The following KIF13A variants were observed in gnomAD, a reference collection of about 807,000 sequenced individuals.
KIF13A encodes the protein kinesin-like protein KIF13A.
KIF13A carries 79 observed loss-of-function variants against 212.2 expected under a neutral mutation model. The ratio of observed to expected loss-of-function variants is 0.37; its 90% CI spans 0.31 to 0.45. The LOEUF is 0.45. Ranked by LOEUF, KIF13A falls within the 20% of genes least tolerant of loss-of-function variation. KIF13A has a pLI of 1.00. For synonymous variants in KIF13A, 789 were observed against 808.6 expected (o/e 0.98, Z 0.41); for missense variants, 1,901 against 2,209.0 (o/e 0.86, Z 2.79).
Position 17,918,321 on chromosome 6 carries a change from G to A in KIF13A, c.147-20141C>T, listed in dbSNP as rs371696860. On this transcript the variant is annotated intron_variant, in intron 2 of 38. Coordinates refer to ENST00000259711, the MANE Select transcript of KIF13A (RefSeq NM_022113.6). This position sits in a 1 kb window ranked among gnomAD's most constrained non-coding sequence, Gnocchi z 4.8. ...ATGCATAAAAAATAGTCTCAGAACT[G>A]TAGACCAAAAGAATGTAAATGTCCC... is the stretch of plus-strand genomic sequence containing the variant. 6.6e-6 allele frequency among the ~76,000 whole-genome samples: 1 copy of A among 152,162 alleles called. No individual in the cohort carries two copies. The highest frequency in any genetic ancestry group is 2.4e-5 in the African/African-American group (1 of 41,436).
At position 17,833,957 on chromosome 6, in the gene KIF13A, C is replaced by A; in HGVS notation, c.1266+4G>T. On this transcript the variant is annotated splice_donor_region_variant and intron_variant, in intron 12 of 38. Transcript: ENST00000259711. ...AATATTTTAGGGCTAAATTATCAAGCTACCTGTGCTATCTCTTCTGTTTTT... is the reference window on the plus strand; with the variant it reads ...AATATTTTAGGGCTAAATTATCAAGATACCTGTGCTATCTCTTCTGTTTTT... 6.8e-7 allele frequency: 1 copy of A among 1,477,102 alleles called. No homozygotes were observed. The highest frequency in any genetic ancestry group is 9.2e-7 in the Non-Finnish European group (1 of 1,087,266). The allele number at this position is 1,477,102 out of a possible 1,614,324, so 91.5% of individuals were successfully genotyped here.
downstream of KIF13A, chr6:17,760,200 T>C (rs1332256361): frequency 2.0e-5 from 3 of 152,194 alleles, no homozygotes; most frequent in African/African-American, 7.2e-5. Flanking sequence ...AAAAATGTTG[T>C]CTTATGTAAG....
chr6:17,909,550 G>GA (rs1292281559), intron 2 of KIF13A, among the ~76,000 whole-genome samples: 48 of 143,822 alleles, frequency 3.3e-4, no homozygotes, highest in Admixed American at 1.3e-3. Flanking sequence ...AAAAAAAAAG[G>GA]AAAAAAAAAA....
Position 17,785,550 on chromosome 6 carries a change from G to A in KIF13A, c.3453C>T (p.Ala1151=), listed in dbSNP as rs532912412. 1.5e-5 allele frequency: 24 copies of A among 1,596,458 alleles called. No homozygotes were observed. In the East Asian group the frequency reaches 5.0e-4, roughly 33 times the overall value. Residue 1151 remains alanine (A), a synonymous_variant, in exon 28 of 39, where the codon GCC becomes GCT. Coordinates refer to ENST00000259711, the MANE Select transcript of KIF13A (RefSeq NM_022113.6). The surrounding 1 kb of genome is among the most constrained non-coding windows in gnomAD (Gnocchi z 5.8). ...TEERNAVLVP[A]PGSGIPGAPA... is the part of the protein sequence containing the mutation. ...GTGCCCCAGGAATCCCACTGCCTGG[G>A]GCTGGCACCAGCACAGCATTCCTTT...
rs1764990988 is a variant in KIF13A at position 17,826,752 on chromosome 6, C to T, written c.1533-628G>A. The stretch of plus-strand genomic sequence containing the variant: ...GATGAGACAACTGGGGAAATCTGAA[C>T]ACTGACTGGCTATATGAAGATTAGT... On this transcript the variant is annotated intron_variant, in intron 14 of 38. Coordinates refer to ENST00000259711, the MANE Select transcript of KIF13A (RefSeq NM_022113.6). This position sits in a 1 kb window ranked among gnomAD's most constrained non-coding sequence, Gnocchi z 4.7. Among the ~76,000 whole-genome samples the T allele has an allele frequency of 6.6e-6, 1 of 152,120 alleles. No homozygotes were observed. Among genetic ancestry groups the T allele is most frequent in the Non-Finnish European group, 1.5e-5 (1 of 68,026 alleles).
chr6:17,785,672 A>C lies in KIF13A; in HGVS notation c.3362-31T>G, dbSNP rs774167044. 18 of 1,587,128 alleles carry C rather than the reference A, an allele frequency of 1.1e-5. No homozygotes were observed. Among genetic ancestry groups the C allele is most frequent in the Non-Finnish European group, 4.3e-6 (5 of 1,166,438 alleles). Reference sequence around the variant, plus strand: ...GAAAAAAATGAGGAGATCAATGCCAACAAGAGAGAAAGTATGACTTCTCAG... The same window carrying C: ...GAAAAAAATGAGGAGATCAATGCCACCAAGAGAGAAAGTATGACTTCTCAG... On this transcript the variant is annotated intron_variant, in intron 27 of 38. Coordinates refer to ENST00000259711, the MANE Select transcript of KIF13A (RefSeq NM_022113.6). The surrounding 1 kb of genome is among the most constrained non-coding windows in gnomAD (Gnocchi z 5.8).
At chr6:17,762,432 G>A (rs892719429), downstream of KIF13A, among the ~76,000 whole-genome samples, 8 of 151,906 alleles carry the variant, frequency 5.3e-5, no homozygotes, top group African/African-American at 1.7e-4. Context: ...GGCTGGTCTC[G>A]AACTCCTGAC....
At chr6:17,896,975 C>G (rs550013347) in intron 3 of KIF13A, among the ~76,000 whole-genome samples, 1 of 152,156 alleles carries the variant, frequency 6.6e-6, no homozygotes, top group African/African-American at 2.4e-5. Context: ...ATTATATCTA[C>G]GTCGACAATT....
intron 19 of KIF13A, among the ~76,000 whole-genome samples, chr6:17,804,794 C>A (rs1350201758): frequency 9.4e-6 from 1 of 106,630 alleles, no homozygotes; most frequent in East Asian, 3.1e-4. Context: ...AGTGACAGAG[C>A]GAGACTCTGT....
At position 17,805,369 on chromosome 6, in the gene KIF13A, C is replaced by CTGTGTGTG. The variant is rs1762849175; in HGVS notation, c.2304+105_2304+106insCACACACA. On this transcript the variant is annotated intron_variant, in intron 19 of 38. Transcript: ENST00000259711. ...TATCTAACGTATCATGAGCACATCT[C>CTGTGTGTG]CGTGTGTGTGTGTGTGTGTGTGTGT... 28 of 657,640 alleles carry CTGTGTGTG rather than the reference C, an allele frequency of 4.3e-5. No homozygotes were observed. The Admixed American group carries it at 8.8e-4, about 21-fold the overall frequency. 40.7% of individuals were successfully genotyped at this position (657,640 alleles called of 1,614,324 possible).
chr6:17,806,544 CT>C (rs1258612994), intron 18 of KIF13A, among the ~76,000 whole-genome samples: 8 of 152,148 alleles, frequency 5.3e-5, no homozygotes, highest in South Asian at 2.1e-4. Context: ...AATTTTCTTA[CT>C]TTTTTTAAAT....
chr6:17,976,590 T>C (rs1029961612), intron 2 of KIF13A, among the ~76,000 whole-genome samples: 6 of 152,052 alleles, frequency 3.9e-5, no homozygotes, highest in African/African-American at 1.4e-4. Flanking sequence ...CCCTGCAAGC[T>C]GAGGGAGCCG....
At chr6:17,938,381 G>A (rs1165849324) in intron 2 of KIF13A, among the ~76,000 whole-genome samples, 3 of 152,146 alleles carry the variant, frequency 2.0e-5, no homozygotes, top group Non-Finnish European at 4.4e-5. Context: ...AATAAGAAAG[G>A]TATGAAACAT....
chr6:17,775,135 CAG>C (rs1759836895), intron 34 of KIF13A, 73 bp from the exon 35 acceptor site: 2 of 1,202,120 alleles, frequency 1.7e-6, no homozygotes, highest in Non-Finnish European at 2.4e-6. Flanking sequence ...TATAAAGAAA[CAG>C]AATGTCACAG....
chr6:17,853,720 A>G (rs999387886), intron 6 of KIF13A, among the ~76,000 whole-genome samples: 1 of 152,226 alleles, frequency 6.6e-6, no homozygotes. Context: ...TCACCAAAGA[A>G]CACATATATT....
chr6:17,850,476 G>A lies in KIF13A; in HGVS notation c.583-19C>T, dbSNP rs999872260. The A allele has an allele frequency of 1.9e-6, 3 of 1,602,474 alleles. No individual in the cohort carries two copies. The highest frequency in any genetic ancestry group is 1.3e-5 in the African/African-American group (1 of 74,596). On this transcript the variant is annotated intron_variant, in intron 7 of 38. Coordinates refer to ENST00000259711, the MANE Select transcript of KIF13A (RefSeq NM_022113.6). This position sits in a 1 kb window ranked among gnomAD's most constrained non-coding sequence, Gnocchi z 6.2. Reference sequence around the variant, plus strand: ...CAATATCCTAGGGGCAAAGCATAAGGAAAAGACCATAAGCAAAAACACAAG... The same window carrying A: ...CAATATCCTAGGGGCAAAGCATAAGAAAAAGACCATAAGCAAAAACACAAG...
Position 17,831,124 on chromosome 6 carries a change from C to T in KIF13A, c.1378G>A (p.Glu460Lys), listed in dbSNP as rs377226069. The change falls in exon 13 of 39, where the codon GAA becomes AAA. Residue 460 changes from glutamate (E) to lysine (K), a missense_variant. Physicochemically the swap from Glu to Lys is moderately conservative, Grantham distance 56. Coordinates refer to ENST00000259711, the MANE Select transcript of KIF13A (RefSeq NM_022113.6). ...VNLNADPALN[E>K]LLVYYLKDHT... Reference sequence around the variant, plus strand: ...ACCTTTAAATAATAAACCAGAAGTTCGTTAAGAGCAGGGTCTGCATTCAGA... The same window carrying T: ...ACCTTTAAATAATAAACCAGAAGTTTGTTAAGAGCAGGGTCTGCATTCAGA... The T allele has an allele frequency of 6.2e-7, 1 of 1,612,714 alleles. No homozygotes were observed. Among genetic ancestry groups the T allele is most frequent in the South Asian group, 1.1e-5 (1 of 90,732 alleles).
At chr6:17,862,896 C>T (rs1768960668) in intron 4 of KIF13A, among the ~76,000 whole-genome samples, 1 of 152,096 alleles carries the variant, frequency 6.6e-6, no homozygotes, top group Admixed American at 6.6e-5. Flanking sequence ...CGCAGTGAGC[C>T]GAAATCGCGC....
intron 38 of KIF13A, among the ~76,000 whole-genome samples, chr6:17,770,041 C>T (rs753149567): frequency 1.3e-5 from 2 of 152,182 alleles, no homozygotes; most frequent in African/African-American, 4.8e-5. Flanking sequence ...AAGACCCACC[C>T]GCACCCCAAG....
Sources: allele counts gnomAD v4.1 joint callset (sites outside exome capture counted in the v4.1 genomes callset), GRCh38; gene constraint gnomAD v4.1.1; non-coding constraint Gnocchi (gnomAD v3.1); transcripts MANE v1.5; gene names NCBI Gene and HGNC (gene_info 2026-07-23, HGNC 2026-07-21).